Variants in CNTN3 observed in about 807,000 individuals in gnomAD.
CNTN3 encodes the protein contactin 3.
CNTN3 carries 60 observed loss-of-function variants against 119.1 expected under a neutral mutation model. That is an observed-to-expected ratio of 0.50 (90% CI 0.41 to 0.62). The LOEUF is 0.62. Among genes scored for constraint, CNTN3 ranks in the 20% least tolerant of loss-of-function variants. CNTN3 has a pLI of 0.00. For synonymous variants in CNTN3, 450 were observed against 438.7 expected, an observed-to-expected ratio of 1.03 and a Z score of -0.32; for missense variants, 1,101 against 1,242.4, an observed-to-expected ratio of 0.89 and a Z score of 1.71.
chr3:74,427,523 T>C (rs1432848939), intron 4 of CNTN3, among the ~76,000 whole-genome samples: 2 of 152,194 alleles, frequency 1.3e-5, no homozygotes, highest in African/African-American at 4.8e-5. Flanking sequence ...CATTAAAATA[T>C]CTAGTGGAAG....
At chr3:74,524,914 A>G (rs896909097) in intron 1 of CNTN3, among the ~76,000 whole-genome samples, 4 of 151,886 alleles carry the variant, frequency 2.6e-5, no homozygotes, top group Non-Finnish European at 5.9e-5. Flanking sequence ...TTGCACAAAC[A>G]GAAAGAAGAC....
At chr3:74,467,179 G>T (rs1018543262) in intron 4 of CNTN3, among the ~76,000 whole-genome samples, 5 of 151,770 alleles carry the variant, frequency 3.3e-5, no homozygotes, top group Non-Finnish European at 7.4e-5. Context: ...GAAAGATTAT[G>T]GCAGACAAGT....
chr3:74,388,777 A>T (rs189206097), intron 5 of CNTN3, among the ~76,000 whole-genome samples: 208 of 152,348 alleles, frequency 1.4e-3, no homozygotes, highest in Non-Finnish European at 2.3e-3. Context: ...CTTGTATTTG[A>T]TACCACAGGA....
chr3:74,282,337 T>C (rs1702029843), intron 20 of CNTN3, among the ~76,000 whole-genome samples: 1 of 152,226 alleles, frequency 6.6e-6, no homozygotes, highest in Non-Finnish European at 1.5e-5. Flanking sequence ...GATGAGTACA[T>C]GAAACTTGCA....
chr3:74,558,936 T>C (rs1374502083), intron 1 of CNTN3, among the ~76,000 whole-genome samples: 2 of 151,144 alleles, frequency 1.3e-5, no homozygotes, highest in Non-Finnish European at 2.9e-5. Flanking sequence ...TGAGCTGAGA[T>C]TGTGTCACTG....
intron 11 of CNTN3, among the ~76,000 whole-genome samples, chr3:74,353,148 T>C (rs1350912433): frequency 6.6e-6 from 1 of 152,138 alleles, no homozygotes; most frequent in Non-Finnish European, 1.5e-5. Context: ...ATTTAAAAGC[T>C]TGAGTCAAGG....
At chr3:74,448,611 T>C (rs1269119806) in intron 4 of CNTN3, among the ~76,000 whole-genome samples, 2 of 152,080 alleles carry the variant, frequency 1.3e-5, no homozygotes, top group Non-Finnish European at 2.9e-5. Context: ...GGTTTCCAAC[T>C]ATAAAACAAG....
intron 1 of CNTN3, among the ~76,000 whole-genome samples, chr3:74,589,810 A>G (rs1559670322): frequency 6.6e-6 from 1 of 151,834 alleles, no homozygotes; most frequent in Non-Finnish European, 1.5e-5. Flanking sequence ...CTTTGTAGGG[A>G]CATGGATGAA....
chr3:74,374,236 G>C (rs933998347), intron 5 of CNTN3, among the ~76,000 whole-genome samples: 1 of 151,388 alleles, frequency 6.6e-6, no homozygotes, highest in Admixed American at 6.6e-5. Context: ...GACCTGACTC[G>C]CAGTCTGAGG....
intron 3 of CNTN3, among the ~76,000 whole-genome samples, chr3:74,489,072 G>T (rs1018122738): frequency 6.6e-6 from 1 of 152,004 alleles, no homozygotes; most frequent in Non-Finnish European, 1.5e-5. Context: ...ATTCAGAAAA[G>T]CAAGTAAAAT....
At chr3:74,326,415 C>G (rs1175421344) in intron 13 of CNTN3, among the ~76,000 whole-genome samples, 3 of 151,980 alleles carry the variant, frequency 2.0e-5, no homozygotes, top group Admixed American at 1.3e-4. Context: ...ATATAATAAT[C>G]AAAATAGAAT....
chr3:74,445,696 T>C (rs1381901193), intron 4 of CNTN3, among the ~76,000 whole-genome samples: 7 of 152,138 alleles, frequency 4.6e-5, no homozygotes, highest in Non-Finnish European at 8.8e-5. Context: ...CCAAATCAAA[T>C]GGAACAAAAA....
intron 6 of CNTN3, among the ~76,000 whole-genome samples, chr3:74,370,456 C>T (rs1002363146): frequency 6.6e-6 from 1 of 151,978 alleles, no homozygotes; most frequent in Non-Finnish European, 1.5e-5. Context: ...TGAAATTTCC[C>T]TAAAGAACAA....
At position 74,399,859 on chromosome 3, in the gene CNTN3, T is replaced by C. The variant is rs575930749; in HGVS notation, c.454+24986A>G. Among the ~76,000 whole-genome samples the C allele has an allele frequency of 7.2e-5, 11 of 152,338 alleles. No individual in the cohort carries two copies. The South Asian group carries it at 2.1e-3, about 29-fold the overall frequency. On this transcript the variant is annotated intron_variant, in intron 5 of 22. Coordinates refer to ENST00000263665, the MANE Select transcript of CNTN3 (RefSeq NM_020872.3). ...CCTTCCCAGCCTCTGGTATTCTCTA[T>C]TCTACTTTTTACTCACATGGCTGAA... is the stretch of plus-strand genomic sequence containing the variant.
chr3:74,532,372 T>C (rs575937837), intron 1 of CNTN3, among the ~76,000 whole-genome samples: 26 of 152,132 alleles, frequency 1.7e-4, no homozygotes, highest in African/African-American at 6.3e-4. Context: ...TGGTGGATGC[T>C]TGAAACTGCA....
chr3:74,537,036 T>TAACAAAA lies in CNTN3; in HGVS notation c.-80-15845_-80-15844insTTTTGTT, dbSNP rs1389743539. ...CACAGCTGGCCTAACAAAACTTGCC[T>TAACAAAA]GTAGACAAGATGTGTCCTGAGACCA... On this transcript the variant is annotated intron_variant, in intron 1 of 22. Transcript: ENST00000263665. Among the ~76,000 whole-genome samples, 13 of 151,914 alleles carry TAACAAAA rather than the reference T, an allele frequency of 8.6e-5. No individual in the cohort carries two copies. In the East Asian group the frequency reaches 1.6e-3, roughly 18 times the overall value.
intron 19 of CNTN3, among the ~76,000 whole-genome samples, chr3:74,289,924 T>C (rs1017211439): frequency 6.6e-6 from 1 of 152,230 alleles, no homozygotes; most frequent in African/African-American, 2.4e-5. Context: ...CAGGTTTGTC[T>C]AATTCTAAAA....
intron 13 of CNTN3, among the ~76,000 whole-genome samples, chr3:74,312,794 T>C (rs1575717165): frequency 6.6e-6 from 1 of 152,174 alleles, no homozygotes; most frequent in Admixed American, 6.5e-5. Flanking sequence ...CAAGGCATAC[T>C]AAAAGGCAAA....
chr3:74,570,455 G>A (rs1704294964), intron 1 of CNTN3, among the ~76,000 whole-genome samples: 2 of 147,042 alleles, frequency 1.4e-5, no homozygotes, highest in African/African-American at 2.5e-5. Context: ...CTCAACCCTC[G>A]TTGGTCTTAG....
Sources: gnomAD v4.1 joint callset for allele counts (sites outside exome capture counted in the v4.1 genomes callset) on GRCh38, gnomAD v4.1.1 for gene constraint, MANE v1.5 for transcripts, NCBI Gene and HGNC (gene_info 2026-07-23, HGNC 2026-07-21) for gene names.